Variants in PDE4D observed in about 807,000 individuals in gnomAD.
The protein encoded by PDE4D is phosphodiesterase 4D.
Under a neutral mutation model 87.4 loss-of-function variants are expected in PDE4D, and 24 were observed. The ratio of observed to expected loss-of-function variants is 0.27; its 90% CI spans 0.20 to 0.39. The LOEUF is 0.39. Among genes scored for constraint, PDE4D ranks in the 10% least tolerant of loss-of-function variants. The pLI is 1.00. For synonymous variants in PDE4D, 384 were observed against 383.2 expected, an observed-to-expected ratio of 1.00 and a Z score of -0.02; for missense variants, 714 against 1,041.0, an observed-to-expected ratio of 0.69 and a Z score of 4.32.
chr5:59,162,994 A>T (rs1287266760), intron 5 of PDE4D, among the ~76,000 whole-genome samples: 2 of 150,002 alleles, frequency 1.3e-5, no homozygotes, highest in African/African-American at 4.9e-5. Flanking sequence ...CCCAGGTTGG[A>T]GTACAGTGGC....
chr5:59,744,170 A>G (rs1759267393), intron 1 of PDE4D, among the ~76,000 whole-genome samples: 1 of 152,130 alleles, frequency 6.6e-6, no homozygotes, highest in South Asian at 2.1e-4. Context: ...TCTTTAAAAC[A>G]TTGCATCTTA....
chr5:59,602,591 G>A (rs1175414597), intron 1 of PDE4D, among the ~76,000 whole-genome samples: 1 of 151,944 alleles, frequency 6.6e-6, no homozygotes, highest in Non-Finnish European at 1.5e-5. Context: ...ATATTAAAAT[G>A]TCCATATCTG....
rs574824820 is a variant in PDE4D at position 59,083,725 on chromosome 5, G to T, written c.809-44754C>A. Among the ~76,000 whole-genome samples, 4 of 151,478 alleles carry T rather than the reference G, an allele frequency of 2.6e-5. No individual in the cohort carries two copies. The South Asian group carries it at 8.3e-4, about 31-fold the overall frequency. On this transcript the variant is annotated intron_variant, in intron 5 of 14. Transcript: ENST00000340635. ...TCATTGTCTCTGTTTCTTCTGGAAAGCAGAAGATAAATTGTCTCAGGAAAA... is the reference window on the plus strand; with the variant it reads ...TCATTGTCTCTGTTTCTTCTGGAAATCAGAAGATAAATTGTCTCAGGAAAA...
intron 3 of PDE4D, among the ~76,000 whole-genome samples, chr5:59,932,059 A>C (rs1403185439): frequency 1.3e-5 from 2 of 152,218 alleles, no homozygotes; most frequent in African/African-American, 4.8e-5. Flanking sequence ...GCCATGGCAC[A>C]TATGCCTTTC....
rs147683295 is a variant in PDE4D, at chr5:59,197,555, C to A, written c.648-4019G>T. 3.9e-5 allele frequency among the ~76,000 whole-genome samples: 6 copies of A among 152,256 alleles called. No homozygotes were observed. In the East Asian group the frequency reaches 1.2e-3, roughly 29 times the overall value. ...TAACATATAATTTTAAAATCTTTGT[C>A]TAAGTCCTCAACTCAATATTAAAAC... On this transcript the variant is annotated intron_variant, in intron 2 of 14. Transcript: ENST00000340635.
intron 1 of PDE4D, among the ~76,000 whole-genome samples, chr5:60,389,207 A>T (rs1435851039): frequency 6.6e-6 from 1 of 152,126 alleles, no homozygotes; most frequent in Non-Finnish European, 1.5e-5. Context: ...GCTTACACCA[A>T]ATTGCACTTT....
intron 1 of PDE4D, among the ~76,000 whole-genome samples, chr5:59,862,115 C>G (rs980094358): frequency 6.6e-6 from 1 of 152,156 alleles, no homozygotes; most frequent in Admixed American, 6.5e-5. Flanking sequence ...CTCCTTACTC[C>G]TGAGTGTTAA....
intron 1 of PDE4D, among the ~76,000 whole-genome samples, chr5:60,211,378 G>A (rs1307940507): frequency 6.6e-6 from 1 of 151,614 alleles, no homozygotes; most frequent in East Asian, 1.9e-4. Context: ...CACTGGGGAC[G>A]GGTCCAGATC....
chr5:59,381,966 T>C (rs1447769459), intron 1 of PDE4D, among the ~76,000 whole-genome samples: 1 of 152,146 alleles, frequency 6.6e-6, no homozygotes, highest in Admixed American at 6.6e-5. Context: ...TTCAGTTGAT[T>C]ATTTTGTTCC....
chr5:59,392,764 G>A (rs998251787), intron 1 of PDE4D, among the ~76,000 whole-genome samples: 1 of 152,068 alleles, frequency 6.6e-6, no homozygotes, highest in Non-Finnish European at 1.5e-5. Flanking sequence ...ATAGCTCCTG[G>A]CTCCTGCAGA....
At chr5:60,038,309 T>A (rs1033600322) in intron 2 of PDE4D, among the ~76,000 whole-genome samples, 2 of 152,178 alleles carry the variant, frequency 1.3e-5, no homozygotes, top group African/African-American at 2.4e-5. Flanking sequence ...GTATAAGGTG[T>A]AAGGAAGGGA....
chr5:60,308,261 A>G (rs938934608), intron 1 of PDE4D, among the ~76,000 whole-genome samples: 3 of 152,322 alleles, frequency 2.0e-5, no homozygotes, highest in Non-Finnish European at 4.4e-5. Context: ...AAATTCTATT[A>G]TGTTTGACTT....
At chr5:60,129,577 T>C (rs945983535) in intron 2 of PDE4D, among the ~76,000 whole-genome samples, 1 of 152,112 alleles carries the variant, frequency 6.6e-6, no homozygotes, top group South Asian at 2.1e-4. Flanking sequence ...GAATGTATAG[T>C]TTGTATATCC....
intron 2 of PDE4D, among the ~76,000 whole-genome samples, chr5:60,079,369 C>G (rs1422128712): frequency 1.3e-5 from 2 of 152,156 alleles, no homozygotes; most frequent in African/African-American, 4.8e-5. Flanking sequence ...TGCAGAAGCT[C>G]TTTAGTTTAA....
intron 6 of PDE4D, among the ~76,000 whole-genome samples, chr5:59,017,613 CAAACACTTG>C (rs1754297791): frequency 6.6e-6 from 1 of 152,122 alleles, no homozygotes; most frequent in Non-Finnish European, 1.5e-5. Flanking sequence ...TAGTAACTTT[CAAACACTTG>C]AAAGACATTA....
chr5:59,651,255 C>CAAT (rs1280585314), intron 1 of PDE4D, among the ~76,000 whole-genome samples: 6 of 77,734 alleles, frequency 7.7e-5, no homozygotes, highest in Admixed American at 3.1e-4. Context: ...GACTCTGTCT[C>CAAT]AACAATAATA....
intron 1 of PDE4D, among the ~76,000 whole-genome samples, chr5:59,696,929 A>G (rs1317355823): frequency 6.6e-6 from 1 of 152,212 alleles, no homozygotes; most frequent in Non-Finnish European, 1.5e-5. Flanking sequence ...AACAGAAAAA[A>G]GACCACATCA....
chr5:59,958,368 A>AGTG (rs1759092857), intron 3 of PDE4D, among the ~76,000 whole-genome samples: 1 of 152,160 alleles, frequency 6.6e-6, no homozygotes, highest in Non-Finnish European at 1.5e-5. Context: ...CCAAAAGGAT[A>AGTG]TATTACCAAG....
chr5:60,449,008 T>TAA (rs1232962398), intron 1 of PDE4D, among the ~76,000 whole-genome samples: 1 of 151,928 alleles, frequency 6.6e-6, no homozygotes, highest in South Asian at 2.1e-4. Flanking sequence ...GTTCCACTAT[T>TAA]GTTTCTTTGG....
Sources: allele counts gnomAD v4.1 joint callset (sites outside exome capture counted in the v4.1 genomes callset), GRCh38; gene constraint gnomAD v4.1.1; transcripts MANE v1.5; gene names NCBI Gene and HGNC (gene_info 2026-07-23, HGNC 2026-07-21).